Variants in RBFOX2 observed in about 807,000 individuals in gnomAD.
The protein encoded by RBFOX2 is RNA binding protein fox-1 homolog 2.
A neutral mutation model predicts 49.1 loss-of-function variants in RBFOX2; 10 were observed. The observed-to-expected ratio is 0.20, with a 90% CI of 0.13 to 0.35. The LOEUF (loss-of-function observed/expected upper bound fraction) is 0.35. Ranked by LOEUF, RBFOX2 falls within the 10% of genes least tolerant of loss-of-function variation. RBFOX2 has a pLI of 1.00. For missense variants in RBFOX2, 323 were observed against 486.9 expected, an observed-to-expected ratio of 0.66 and a Z score of 3.17; for synonymous variants, 183 against 187.4, an observed-to-expected ratio of 0.98 and a Z score of 0.19.
Position 35,761,215 on chromosome 22 carries a change from G to GTT in RBFOX2, c.740_741insAA (p.Tyr247Ter). 6.2e-7 allele frequency: 1 copy of GTT among 1,613,876 alleles called. No individual in the cohort carries two copies. The highest frequency in any genetic ancestry group is 8.5e-7 in the Non-Finnish European group (1 of 1,179,830). ...TAGGCTACTTACTGATTAAAGGAAT[G>GTT]TAAGTGTTGATACCCCCTCTTCCTG... The change falls in exon 8 of 12, where the codon TAC becomes TAAAC. Residue 247 changes from tyrosine (Y) to a stop codon, truncating the protein, a stop_gained and frameshift_variant. Transcript: ENST00000405409. LOFTEE classifies it high-confidence loss of function.
chr22:36,020,593 T>C (rs2059206141), intron 1 of RBFOX2, among the ~76,000 whole-genome samples: 1 of 152,142 alleles, frequency 6.6e-6, no homozygotes, highest in South Asian at 2.1e-4. Flanking sequence ...GCAAAGGATA[T>C]GAACAGACAC....
exon 1 of RBFOX2, chr22:36,028,534 C>A (rs1440751504): frequency 5.2e-6 from 5 of 963,734 alleles, no homozygotes; most frequent in Non-Finnish European, 6.2e-6. Context: ...CTGCCCCCGC[C>A]CCCGCGTGCG....
At chr22:35,927,640 G>A (rs554631368) in intron 1 of RBFOX2, among the ~76,000 whole-genome samples, 1 of 144,114 alleles carries the variant, frequency 6.9e-6, no homozygotes, top group South Asian at 2.2e-4. Flanking sequence ...GAAGAAATAT[G>A]TTACTAGGGT....
At chr22:35,945,837 C>T (rs2054217020) in intron 1 of RBFOX2, among the ~76,000 whole-genome samples, 1 of 152,136 alleles carries the variant, frequency 6.6e-6, no homozygotes, top group Non-Finnish European at 1.5e-5. Flanking sequence ...ATAAGTGATA[C>T]GAATCTGATA....
At chr22:35,962,350 G>A (rs1466573433), upstream of RBFOX2, among the ~76,000 whole-genome samples, 1 of 152,178 alleles carries the variant, frequency 6.6e-6, no homozygotes, top group African/African-American at 2.4e-5. Flanking sequence ...GACCCACTAT[G>A]TAAACTTAAC....
At chr22:35,939,244 C>T (rs1206949848), upstream of RBFOX2, 1 of 497,596 alleles carries the variant, frequency 2.0e-6, no homozygotes, top group Non-Finnish European at 3.9e-6. Context: ...ATCCCCAGCC[C>T]CAACTCACAC....
intron 1 of RBFOX2, among the ~76,000 whole-genome samples, chr22:35,972,092 T>A (rs998885455): frequency 1.3e-5 from 2 of 151,880 alleles, no homozygotes; most frequent in African/African-American, 4.8e-5. Context: ...TATAAGAACA[T>A]AAAGCATTCA....
At chr22:35,831,077 T>C (rs1451939930) in intron 1 of RBFOX2, among the ~76,000 whole-genome samples, 2 of 152,176 alleles carry the variant, frequency 1.3e-5, no homozygotes, top group Admixed American at 6.6e-5. Flanking sequence ...CAGCAAACTA[T>C]AGCTTGTGGT....
chr22:35,826,342 C>CAAAAAA (rs1160241662), intron 1 of RBFOX2, among the ~76,000 whole-genome samples: 7 of 62,088 alleles, frequency 1.1e-4, no homozygotes, highest in Admixed American at 5.9e-4. Flanking sequence ...AACTCCATCT[C>CAAAAAA]AAAAAAAAAA....
At chr22:35,903,841 T>C (rs921637023) in intron 1 of RBFOX2, among the ~76,000 whole-genome samples, 2 of 152,138 alleles carry the variant, frequency 1.3e-5, no homozygotes, top group Admixed American at 1.3e-4. Flanking sequence ...CCCATTTCCA[T>C]TGTTGCTCCC....
chr22:35,840,860 C>T (rs1958646660), upstream of RBFOX2, among the ~76,000 whole-genome samples: 1 of 152,046 alleles, frequency 6.6e-6, no homozygotes, highest in South Asian at 2.1e-4. Context: ...TACTGATGTA[C>T]AGTTTATAGA....
At chr22:35,884,068 G>A (rs1412953677) in intron 1 of RBFOX2, among the ~76,000 whole-genome samples, 3 of 128,866 alleles carry the variant, frequency 2.3e-5, no homozygotes, top group Admixed American at 9.8e-5. Context: ...CTTGCTCTCA[G>A]CTCATTGCAG....
rs545167700 is a variant in RBFOX2, at chr22:35,809,799, G to A, written c.233C>T (p.Thr78Ile). The change falls in exon 2 of 12, where the codon ACA (threonine) becomes ATA (isoleucine). Residue 78 changes from threonine to isoleucine, a missense_variant. Thr to Ile is a moderately conservative substitution (Grantham distance 89). Coordinates refer to ENST00000405409, the Ensembl canonical transcript of RBFOX2. ...ACGTACCGTAAGAGATCCATTTTGT[G>A]TGCTGGGTGAGTTGCTGCTCTGCTC... 3 of 1,613,912 alleles carry A rather than the reference G, an allele frequency of 1.9e-6. No individual in the cohort carries two copies. In the Admixed American group the frequency reaches 5.0e-5, roughly 27 times the overall value.
chr22:35,862,944 C>A (rs1216181903), intron 1 of RBFOX2, among the ~76,000 whole-genome samples: 1 of 152,094 alleles, frequency 6.6e-6, no homozygotes, highest in Non-Finnish European at 1.5e-5. Flanking sequence ...TCATCATTAT[C>A]TCTGATAATT....
At chr22:35,745,799 G>A in intron 11 of RBFOX2, 124 bp downstream of exon 13, 2 of 939,598 alleles carry the variant, frequency 2.1e-6, no homozygotes, top group South Asian at 3.2e-5. Flanking sequence ...GTAGATCTAT[G>A]TGGCTTTAAT....
At chr22:35,951,043 T>A (rs2054859325) in intron 1 of RBFOX2, among the ~76,000 whole-genome samples, 1 of 146,332 alleles carries the variant, frequency 6.8e-6, no homozygotes, top group Admixed American at 6.9e-5. Context: ...AAGTTCCACC[T>A]CCCGGGTTCA....
intron 9 of RBFOX2, chr22:35,748,025 A>G (rs1933425168): frequency 6.6e-6 from 1 of 152,170 alleles, no homozygotes; most frequent in Non-Finnish European, 1.5e-5. Context: ...CCCTTATTTT[A>G]GAAATACCTA....
rs975783851 is a variant in RBFOX2, at chr22:35,865,571, T to G, written c.-33-55567A>C. ...CCCTCCCCCATCTTTATTATTATTT[T>G]TTTTTGATGGTGATAGAAGAGGGAT... On this transcript the variant is annotated intron_variant, in intron 1 of 13. Coordinates refer to the RBFOX2 transcript ENST00000359369. Among the ~76,000 whole-genome samples, 12 of 152,322 alleles carry G rather than the reference T, an allele frequency of 7.9e-5. No homozygotes were observed. The East Asian group carries it at 1.9e-3, about 24-fold the overall frequency.
chr22:35,926,254 T>C (rs897584116), intron 1 of RBFOX2, among the ~76,000 whole-genome samples: 1 of 152,218 alleles, frequency 6.6e-6, no homozygotes, highest in African/African-American at 2.4e-5. Context: ...CATCGATTGC[T>C]TGGTAGTACT....
Sources: gnomAD v4.1 joint callset for allele counts (sites outside exome capture counted in the v4.1 genomes callset) on GRCh38, gnomAD v4.1.1 for gene constraint, MANE v1.5 for transcripts, NCBI Gene and HGNC (gene_info 2026-07-23, HGNC 2026-07-21) for gene names.